UGGT2: variants seen among roughly 807,000 people sequenced by gnomAD.
The protein encoded by UGGT2 is UDP-glucose:glycoprotein glucosyltransferase 2.
In UGGT2, 180 loss-of-function variants were observed where a neutral mutation model predicts 192.1. The observed-to-expected ratio is 0.94, with a 90% CI of 0.83 to 1.06. The LOEUF (loss-of-function observed/expected upper bound fraction) is 1.06. UGGT2 is among the 50% of genes least tolerant of loss of function. The pLI is 0.00. For missense variants in UGGT2, 1,849 were observed against 1,795.7 expected, an observed-to-expected ratio of 1.03 and a Z score of -0.54; for synonymous variants, 580 against 591.0, an observed-to-expected ratio of 0.98 and a Z score of 0.27.
chr13:95,966,376 C>T (rs1421892680), intron 12 of UGGT2, among the ~76,000 whole-genome samples: 1 of 152,020 alleles, frequency 6.6e-6, no homozygotes, highest in African/African-American at 2.4e-5. Context: ...TGATAGATAC[C>T]AGAGGCTGGG....
At chr13:95,814,262 G>A (rs1270100100) in intron 38 of UGGT2, among the ~76,000 whole-genome samples, 1 of 152,212 alleles carries the variant, frequency 6.6e-6, no homozygotes, top group Non-Finnish European at 1.5e-5. Flanking sequence ...AAAGCTGTAG[G>A]CACTCAACTC....
chr13:96,000,919 T>C lies in UGGT2; in HGVS notation c.661-1612A>G, dbSNP rs1027573363. Among the ~76,000 whole-genome samples, 3 of 152,224 alleles carry C rather than the reference T, an allele frequency of 2.0e-5. No homozygotes were observed. The East Asian group carries it at 5.8e-4, about 29-fold the overall frequency. On this transcript the variant is annotated intron_variant, in intron 5 of 38. Transcript: ENST00000376747. ...CCCACAAAAAGGCATATGTTAAAAA[T>C]GTAGCATAAATATGTCTATTTTTAT... is the stretch of plus-strand genomic sequence containing the variant.
intron 38 of UGGT2, among the ~76,000 whole-genome samples, chr13:95,825,960 C>T (rs902398736): frequency 6.6e-6 from 1 of 152,142 alleles, no homozygotes; most frequent in South Asian, 2.1e-4. Context: ...GTCCAGCCAA[C>T]CTGTAGGGCC....
intron 36 of UGGT2, among the ~76,000 whole-genome samples, chr13:95,848,372 T>C (rs1489516813): frequency 6.6e-6 from 1 of 152,214 alleles, no homozygotes; most frequent in Non-Finnish European, 1.5e-5. Flanking sequence ...GTCATTGACA[T>C]ACCCAAGGCC....
At chr13:95,874,514 TG>T (rs900095100) in intron 29 of UGGT2, among the ~76,000 whole-genome samples, 64 of 152,312 alleles carry the variant, frequency 4.2e-4, no homozygotes, top group African/African-American at 1.4e-3. Context: ...CAGAGCAGGA[TG>T]GTGTGAGAGG....
chr13:95,856,198 G>A lies in UGGT2; in HGVS notation c.3968C>T (p.Pro1323Leu). 4 of 1,613,206 alleles carry A rather than the reference G, an allele frequency of 2.5e-6. No individual in the cohort carries two copies. The highest frequency in any genetic ancestry group is 3.4e-6 in the Non-Finnish European group (4 of 1,179,660). ...YKILFLDVLF[P>L]LAVDKIIFVD... is the part of the protein sequence containing the mutation. ...AAAAATGATTTTGTCCACTGCTAGT[G>A]GGAAAAGAACATCAAGGAAAAGAAT... The change falls in exon 34 of 39, where the codon CCA becomes CTA. Residue 1323 changes from proline (P) to leucine (L), a missense_variant. Transcript: ENST00000376747.
intron 2 of UGGT2, among the ~76,000 whole-genome samples, chr13:96,028,593 C>G (rs985615864): frequency 4.6e-5 from 7 of 152,078 alleles, no homozygotes; most frequent in Non-Finnish European, 1.5e-5. Context: ...TTTAAACAGG[C>G]AATTCATTGC....
intron 7 of UGGT2, among the ~76,000 whole-genome samples, chr13:95,993,248 G>A (rs992966751): frequency 6.6e-6 from 1 of 152,054 alleles, no homozygotes; most frequent in Non-Finnish European, 1.5e-5. Context: ...TATTAGAGTG[G>A]GAAGATGGCA....
intron 27 of UGGT2, among the ~76,000 whole-genome samples, chr13:95,884,195 CTA>C (rs1182356135): frequency 2.6e-5 from 4 of 151,874 alleles, no homozygotes; most frequent in African/African-American, 9.7e-5. Context: ...GTGTTCCTCT[CTA>C]TATTTTTGAC....
At chr13:95,858,516 C>T (rs1482190588) in intron 33 of UGGT2, among the ~76,000 whole-genome samples, 2 of 152,086 alleles carry the variant, frequency 1.3e-5, no homozygotes, top group African/African-American at 4.8e-5. Context: ...CAATACTCCA[C>T]GAGTACCCTC....
chr13:95,983,845 C>T lies in UGGT2; in HGVS notation c.1051G>A (p.Val351Ile), dbSNP rs934039569. The part of the protein sequence containing the change: ...IKARSLTRIA[V>I]NQHMREEIKE... ...ATTTCTTCTCTCATATGTTGATTTA[C>T]AGCAATTCTGGTTAGAGATCTGGAA... Residue 351 changes from valine (V) to isoleucine (I), a missense_variant, in exon 10 of 39, where the codon GTA (valine) becomes ATA (isoleucine). By Grantham distance (29) the Val-to-Ile change is conservative. Transcript: ENST00000376747. 5.1e-6 allele frequency: 8 copies of T among 1,567,940 alleles called. No individual in the cohort carries two copies. In the East Asian group the frequency reaches 9.0e-5, roughly 18 times the overall value.
chr13:96,018,218 C>G (rs75070240), intron 4 of UGGT2, among the ~76,000 whole-genome samples: 1 of 152,014 alleles, frequency 6.6e-6, no homozygotes, highest in Non-Finnish European at 1.5e-5. Context: ...AGACATAATA[C>G]GAAAATGTGA....
At chr13:95,822,472 T>C (rs1397969339) in intron 38 of UGGT2, among the ~76,000 whole-genome samples, 1 of 152,086 alleles carries the variant, frequency 6.6e-6, no homozygotes, top group African/African-American at 2.4e-5. Context: ...AGGTAGATGG[T>C]CATATCACTG....
chr13:95,868,559 G>T (rs1321822926), intron 29 of UGGT2, among the ~76,000 whole-genome samples: 2 of 152,122 alleles, frequency 1.3e-5, no homozygotes, highest in Middle Eastern at 3.2e-3. Context: ...AGCCGTGATT[G>T]TGCTATTGCA....
intron 1 of UGGT2, among the ~76,000 whole-genome samples, chr13:96,050,344 G>T (rs1311978610): frequency 6.6e-6 from 1 of 152,254 alleles, no homozygotes; most frequent in East Asian, 1.9e-4. Flanking sequence ...ATGGACTAAA[G>T]ACTTAAATGT....
chr13:95,888,190 T>C (rs965422687), intron 25 of UGGT2, among the ~76,000 whole-genome samples: 1 of 152,160 alleles, frequency 6.6e-6, no homozygotes, highest in Admixed American at 6.5e-5. Context: ...ATCCAAACAG[T>C]TGATTTCAAT....
At chr13:96,041,897 A>G (rs1447561783) in intron 1 of UGGT2, among the ~76,000 whole-genome samples, 1 of 151,996 alleles carries the variant, frequency 6.6e-6, no homozygotes, top group African/African-American at 2.4e-5. Flanking sequence ...GAGCCCAGAC[A>G]TGCCCTAGAA....
intron 15 of UGGT2, among the ~76,000 whole-genome samples, chr13:95,943,834 G>A (rs950849269): frequency 6.6e-6 from 1 of 151,986 alleles, no homozygotes; most frequent in Non-Finnish European, 1.5e-5. Flanking sequence ...AGTGTTGACA[G>A]TGGGTACCTT....
At chr13:95,891,124 T>C (rs1420770741) in intron 24 of UGGT2, among the ~76,000 whole-genome samples, 160 bp from the exon 25 acceptor site, 6 of 152,132 alleles carry the variant, frequency 3.9e-5, no homozygotes, top group Admixed American at 6.6e-5. Flanking sequence ...AAAATCTGTT[T>C]TCAACAAATT....
Sources: gnomAD v4.1 joint callset for allele counts (sites outside exome capture counted in the v4.1 genomes callset) on GRCh38, gnomAD v4.1.1 for gene constraint, MANE v1.5 for transcripts, NCBI Gene and HGNC (gene_info 2026-07-23, HGNC 2026-07-21) for gene names.